The following WDR70 variants were observed in gnomAD, a reference collection of about 807,000 sequenced individuals.
The protein encoded by WDR70 is WD repeat-containing protein 70.
In WDR70, 53 loss-of-function variants were observed where a neutral mutation model predicts 88.6. The ratio of observed to expected loss-of-function variants is 0.60; its 90% CI spans 0.48 to 0.75. The LOEUF is 0.75. WDR70 is among the 30% of genes least tolerant of loss of function. The pLI, the probability that WDR70 is intolerant of heterozygous loss-of-function variation, is 0.00. For missense variants in WDR70, 610 were observed against 823.2 expected, an observed-to-expected ratio of 0.74 and a Z score of 3.17; for synonymous variants, 280 against 270.0, an observed-to-expected ratio of 1.04 and a Z score of -0.36.
chr5:37,678,792 GGGGAAATTCTCCT>G (rs1746318318), intron 10 of WDR70, among the ~76,000 whole-genome samples: 1 of 152,098 alleles, frequency 6.6e-6, no homozygotes, highest in African/African-American at 2.4e-5. Flanking sequence ...TTGCTAGATT[GGGGAAATTCTCCT>G]GGATAATATC....
At chr5:37,531,587 C>CTTTTTTTTTTTTT (rs149831770) in intron 9 of WDR70, among the ~76,000 whole-genome samples, 1 of 77,736 alleles carries the variant, frequency 1.3e-5, no homozygotes, top group Admixed American at 1.5e-4. Flanking sequence ...TAAAGTTTTT[C>CTTTTTTTTTTTTT]TTTTTTTTTT....
intron 17 of WDR70, among the ~76,000 whole-genome samples, chr5:37,742,936 T>C (rs1451465671): frequency 6.6e-6 from 1 of 152,208 alleles, no homozygotes; most frequent in Non-Finnish European, 1.5e-5. Context: ...TTTTTCCAAT[T>C]TGGGGAAAGG....
intron 5 of WDR70, among the ~76,000 whole-genome samples, chr5:37,399,596 A>G (rs946965185): frequency 1.4e-4 from 21 of 152,220 alleles, no homozygotes; most frequent in Non-Finnish European, 8.8e-5. Flanking sequence ...GAGGTATTCA[A>G]ACATTTACCG....
intron 3 of WDR70, among the ~76,000 whole-genome samples, chr5:37,387,232 C>T (rs1344861168): frequency 6.6e-6 from 1 of 152,024 alleles, no homozygotes; most frequent in Non-Finnish European, 1.5e-5. Flanking sequence ...TCTGATCCTT[C>T]ATAATCCTGT....
At chr5:37,542,190 T>A (rs962541526) in intron 9 of WDR70, among the ~76,000 whole-genome samples, 1 of 152,116 alleles carries the variant, frequency 6.6e-6, no homozygotes, top group Non-Finnish European at 1.5e-5. Flanking sequence ...GTAAAAGACA[T>A]AATTTCATAT....
At chr5:37,695,365 A>G (rs976318482) in intron 10 of WDR70, among the ~76,000 whole-genome samples, 29 of 152,126 alleles carry the variant, frequency 1.9e-4, no homozygotes, top group African/African-American at 6.8e-4. Flanking sequence ...GATCCAAACC[A>G]TATCCCATGG....
chr5:37,660,511 A>AT (rs997160706), intron 10 of WDR70, among the ~76,000 whole-genome samples: 3 of 148,760 alleles, frequency 2.0e-5, no homozygotes, highest in African/African-American at 5.0e-5. Flanking sequence ...TTAGCATTAT[A>AT]TTTTTTTGCT....
At chr5:37,567,760 A>G (rs980387044) in intron 9 of WDR70, among the ~76,000 whole-genome samples, 1 of 152,146 alleles carries the variant, frequency 6.6e-6, no homozygotes, top group Non-Finnish European at 1.5e-5. Context: ...CAGCCTTGGC[A>G]GATCGCAGTG....
At chr5:37,621,980 T>A (rs1034050335) in intron 10 of WDR70, among the ~76,000 whole-genome samples, 2 of 152,208 alleles carry the variant, frequency 1.3e-5, no homozygotes, top group African/African-American at 2.4e-5. Context: ...ATTTATTAAA[T>A]AGGGAATAGT....
chr5:37,452,542 A>C (rs979124454), intron 7 of WDR70, among the ~76,000 whole-genome samples: 22 of 152,228 alleles, frequency 1.4e-4, no homozygotes, highest in Non-Finnish European at 2.9e-4. Flanking sequence ...CTGGGATTGC[A>C]GGCGTGAGCC....
chr5:37,570,756 G>A (rs531194428), intron 9 of WDR70, among the ~76,000 whole-genome samples: 1 of 152,246 alleles, frequency 6.6e-6, no homozygotes, highest in African/African-American at 2.4e-5. Context: ...TAACATGTTC[G>A]TACCCTTTGT....
chr5:37,670,434 T>C lies in WDR70; in HGVS notation c.1093-27221T>C, dbSNP rs186124986. Among the ~76,000 whole-genome samples, 336 of 152,274 alleles carry C rather than the reference T, an allele frequency of 2.2e-3. 1 individual carries two copies. Among genetic ancestry groups the C allele is most frequent in the Non-Finnish European group, 3.1e-3 (211 of 68,030 alleles). ...TAAGCCAAAGCAAGTCGCGTGTCCA[T>C]ACCAAGATACAAAGTATAGAGAAAC... On this transcript the variant is annotated intron_variant, in intron 10 of 17. Coordinates refer to ENST00000265107, the MANE Select transcript of WDR70 (RefSeq NM_018034.4).
intron 8 of WDR70, among the ~76,000 whole-genome samples, chr5:37,494,891 A>G (rs1167906159): frequency 6.6e-6 from 1 of 152,250 alleles, no homozygotes; most frequent in Non-Finnish European, 1.5e-5. Flanking sequence ...AATGACTAAG[A>G]GTGTGTTAGG....
chr5:37,750,851 A>G (rs1021194952), intron 17 of WDR70, among the ~76,000 whole-genome samples: 2 of 152,222 alleles, frequency 1.3e-5, no homozygotes, highest in Admixed American at 6.5e-5. Flanking sequence ...ATATGTCTTT[A>G]TTAGCAGCGT....
intron 8 of WDR70, among the ~76,000 whole-genome samples, chr5:37,485,229 A>G (rs983633334): frequency 2.9e-4 from 44 of 152,214 alleles, no homozygotes; most frequent in Non-Finnish European, 3.7e-4. Context: ...CTATGAGATT[A>G]GATTGTCTAC....
chr5:37,687,095 G>A (rs1202628847), intron 10 of WDR70, among the ~76,000 whole-genome samples: 5 of 152,002 alleles, frequency 3.3e-5, no homozygotes, highest in East Asian at 1.9e-4. Context: ...TTAGATTCCC[G>A]ACATTATGCC....
At chr5:37,665,936 C>CG (rs1354333848) in intron 10 of WDR70, among the ~76,000 whole-genome samples, 3 of 152,202 alleles carry the variant, frequency 2.0e-5, no homozygotes, top group African/African-American at 7.2e-5. Context: ...TCCTTACCAC[C>CG]TCTCTATCCG....
At chr5:37,622,557 C>A (rs1744539840) in intron 10 of WDR70, among the ~76,000 whole-genome samples, 1 of 152,162 alleles carries the variant, frequency 6.6e-6, no homozygotes, top group South Asian at 2.1e-4. Flanking sequence ...GAATACTATG[C>A]AGCCTTAAAA....
chr5:37,752,118 T>G (rs1224802895), intron 17 of WDR70, among the ~76,000 whole-genome samples: 1 of 152,200 alleles, frequency 6.6e-6, no homozygotes, highest in Non-Finnish European at 1.5e-5. Context: ...ATCATGTAGA[T>G]TCTTGCTTGG....
Sources: gnomAD v4.1 joint callset for allele counts (sites outside exome capture counted in the v4.1 genomes callset) on GRCh38, gnomAD v4.1.1 for gene constraint, MANE v1.5 for transcripts, NCBI Gene and HGNC (gene_info 2026-07-23, HGNC 2026-07-21) for gene names.